NBEA: variants seen among roughly 807,000 people sequenced by gnomAD.
The protein encoded by NBEA is neurobeachin, also known as lysosomal-trafficking regulator 2.
A neutral mutation model predicts 343.4 loss-of-function variants in NBEA; 44 were observed. That is an observed-to-expected ratio of 0.13 (90% CI 0.10 to 0.16). The LOEUF is 0.16. Among genes scored for constraint, NBEA ranks in the 10% least tolerant of loss-of-function variants. NBEA has a pLI of 1.00. For missense variants in NBEA, 2,555 were observed against 3,631.3 expected (o/e 0.70, Z 7.62); for synonymous variants, 1,175 against 1,238.7 (o/e 0.95, Z 1.08).
At chr13:35,444,711 A>G (rs1594660635) in intron 39 of NBEA, among the ~76,000 whole-genome samples, 1 of 152,188 alleles carries the variant, frequency 6.6e-6, no homozygotes, top group East Asian at 1.9e-4. Context: ...AGAAGCCTAT[A>G]TTAAATGCAT....
chr13:35,572,984 G>T (rs1048688532), intron 45 of NBEA, among the ~76,000 whole-genome samples: 1 of 152,140 alleles, frequency 6.6e-6, no homozygotes, highest in African/African-American at 2.4e-5. Context: ...TTAGTGGTAG[G>T]ATGATACAAA....
rs1362468055 is a variant in NBEA, at chr13:35,664,099, T to C, written c.8363-986T>C. Among the ~76,000 whole-genome samples, 5 of 152,192 alleles carry C rather than the reference T, an allele frequency of 3.3e-5. No individual in the cohort carries two copies. The East Asian group carries it at 9.6e-4, about 29-fold the overall frequency. On this transcript the variant is annotated intron_variant, in intron 55 of 58. Coordinates refer to ENST00000379939, the MANE Select transcript of NBEA (RefSeq NM_001385012.1). ...ACTTTCCTCATGAACTCTCTGTGGC[T>C]TCCCTCTTGCCACTGTGGGCAGAGA...
At chr13:35,574,150 T>C (rs2080591530) in intron 45 of NBEA, among the ~76,000 whole-genome samples, 1 of 152,046 alleles carries the variant, frequency 6.6e-6, no homozygotes, top group Non-Finnish European at 1.5e-5. Context: ...GTTTATTATA[T>C]GCCAGGCATT....
intron 8 of NBEA, among the ~76,000 whole-genome samples, chr13:35,063,199 CT>C (rs1286343735): frequency 1.3e-5 from 2 of 151,960 alleles, no homozygotes; most frequent in African/African-American, 4.8e-5. Context: ...TCCATTCATT[CT>C]TTTATTAAGC....
intron 41 of NBEA, among the ~76,000 whole-genome samples, chr13:35,511,546 AC>A (rs2077276908): frequency 6.6e-6 from 1 of 152,166 alleles, no homozygotes; most frequent in Non-Finnish European, 1.5e-5. Flanking sequence ...TGTTATCCAC[AC>A]ATCCAGTATC....
intron 1 of NBEA, among the ~76,000 whole-genome samples, chr13:34,993,965 A>T (rs1192139910): frequency 1.3e-5 from 2 of 152,106 alleles, no homozygotes; most frequent in African/African-American, 4.8e-5. Context: ...TGGGAGGCTG[A>T]GGCAGGTGGA....
intron 11 of NBEA, among the ~76,000 whole-genome samples, chr13:35,099,340 A>G (rs2065515902): frequency 6.6e-6 from 1 of 151,424 alleles, no homozygotes; most frequent in Admixed American, 6.6e-5. Context: ...CTGGAACTAC[A>G]GGCGCCCACC....
At chr13:35,658,332 T>C (rs2084917439) in intron 55 of NBEA, among the ~76,000 whole-genome samples, 1 of 152,204 alleles carries the variant, frequency 6.6e-6, no homozygotes, top group Non-Finnish European at 1.5e-5. Flanking sequence ...ATAGAATCCA[T>C]CCTGTCAAGA....
At chr13:34,980,433 T>G (rs1450406882) in intron 1 of NBEA, among the ~76,000 whole-genome samples, 1 of 141,532 alleles carries the variant, frequency 7.1e-6, no homozygotes, top group Non-Finnish European at 1.5e-5. Flanking sequence ...TTTATTACAT[T>G]TTATTACATT....
chr13:35,414,494 C>T (rs1292234512), intron 38 of NBEA, among the ~76,000 whole-genome samples: 1 of 151,820 alleles, frequency 6.6e-6, no homozygotes, highest in East Asian at 1.9e-4. Context: ...GGTTTTCGGT[C>T]CTTGCGATAG....
At chr13:35,463,972 GCAGA>G (rs1303582433) in intron 40 of NBEA, among the ~76,000 whole-genome samples, 1 of 152,114 alleles carries the variant, frequency 6.6e-6, no homozygotes, top group East Asian at 1.9e-4. Context: ...AAGGATAAAT[GCAGA>G]CAGAGACAGT....
chr13:35,494,068 G>A (rs1314519969), intron 41 of NBEA, among the ~76,000 whole-genome samples: 1 of 151,644 alleles, frequency 6.6e-6, no homozygotes, highest in African/African-American at 2.4e-5. Flanking sequence ...TTGTCTTTAT[G>A]TAACTTTATA....
At chr13:35,665,035 C>A (rs920528431) in intron 55 of NBEA, 50 bp from the exon 56 acceptor site, 4 of 1,233,172 alleles carry the variant, frequency 3.2e-6, no homozygotes, top group African/African-American at 3.0e-5. Context: ...GTGTAGCTCT[C>A]TCCCCCTGCT....
At chr13:34,954,125 A>T (rs2059424651) in intron 1 of NBEA, among the ~76,000 whole-genome samples, 1 of 152,214 alleles carries the variant, frequency 6.6e-6, no homozygotes, top group Non-Finnish European at 1.5e-5. Flanking sequence ...CATAGCATTT[A>T]CATTGTATTA....
chr13:35,384,477 A>G (rs1363444450), intron 38 of NBEA, among the ~76,000 whole-genome samples: 1 of 151,256 alleles, frequency 6.6e-6, no homozygotes, highest in Non-Finnish European at 1.5e-5. Flanking sequence ...TCTACAAAGC[A>G]GTTTTTAAAA....
At chr13:35,088,586 T>G (rs966330207) in intron 10 of NBEA, among the ~76,000 whole-genome samples, 1 of 151,912 alleles carries the variant, frequency 6.6e-6, no homozygotes, top group African/African-American at 2.4e-5. Flanking sequence ...ATTGGAGTAC[T>G]TGATATGAAA....
In NBEA at chr13:35,173,586, G is replaced by T; in HGVS notation, c.4546G>T (p.Ala1516Ser). Reference sequence around the variant, plus strand: ...TCCTCAAAGTGTGACTGCTACAGCAGCTTCGAAGGTAAGTAAACTTTTTTT... The same window carrying T: ...TCCTCAAAGTGTGACTGCTACAGCATCTTCGAAGGTAAGTAAACTTTTTTT... ...EVPQSVTATAASKTPLENVPG... is the reference protein window; with the variant it reads ...EVPQSVTATASSKTPLENVPG... The change falls in exon 27 of 59, where the codon GCT (alanine) becomes TCT (serine). Residue 1516 changes from alanine to serine, a missense_variant. Ala to Ser is a moderately conservative substitution (Grantham distance 99). This residue lies in a region of NBEA where 168 missense variants were observed against 193.0 expected (regional missense o/e 0.87). Coordinates refer to ENST00000379939, the MANE Select transcript of NBEA (RefSeq NM_001385012.1). The T allele has an allele frequency of 1.3e-6, 2 of 1,593,708 alleles. No homozygotes were observed. Among genetic ancestry groups the T allele is most frequent in the Non-Finnish European group, 1.7e-6 (2 of 1,173,180 alleles).
chr13:35,038,332 C>A (rs544242246), intron 1 of NBEA, among the ~76,000 whole-genome samples: 2 of 152,074 alleles, frequency 1.3e-5, no homozygotes, highest in Non-Finnish European at 2.9e-5. Flanking sequence ...GAATTGGGGA[C>A]CCCAAGAGCC....
rs1437763904 is a variant in NBEA at position 35,352,226 on chromosome 13, G to A, written c.6082G>A (p.Ala2028Thr). Reference sequence around the variant, plus strand: ...GATGTGTGACCATCTTATCAGTGCTGCTAAACATCGAGATCATGTAACAGC... The same window carrying A: ...GATGTGTGACCATCTTATCAGTGCTACTAAACATCGAGATCATGTAACAGC... ...EKMCDHLISA[A>T]KHRDHVTANQ... The change falls in exon 38 of 59, where the codon GCT becomes ACT. Residue 2028 changes from alanine to threonine, a missense_variant. Ala to Thr is a moderately conservative substitution (Grantham distance 58). Transcript: ENST00000379939. 3.8e-6 allele frequency: 6 copies of A among 1,571,960 alleles called. No individual in the cohort carries two copies. Among genetic ancestry groups the A allele is most frequent in the African/African-American group, 1.4e-5 (1 of 73,646 alleles).
Sources: allele counts gnomAD v4.1 joint callset (sites outside exome capture counted in the v4.1 genomes callset), GRCh38; gene constraint gnomAD v4.1.1; regional missense constraint gnomAD v4.1.1; transcripts MANE v1.5; gene names NCBI Gene and HGNC (gene_info 2026-07-23, HGNC 2026-07-21).